ACP3: variants seen among roughly 807,000 people sequenced by gnomAD.
ACP3 encodes prostatic acid phosphatase.
A neutral mutation model predicts 45.6 loss-of-function variants in ACP3; 38 were observed. The ratio of observed to expected loss-of-function variants is 0.83; its 90% CI spans 0.64 to 1.09. The LOEUF (loss-of-function observed/expected upper bound fraction) is 1.09, where lower values mean the gene tolerates loss of function less well. ACP3 is among the 50% of genes least tolerant of loss of function. The pLI, the probability that ACP3 is intolerant of heterozygous loss-of-function variation, is 0.00. For missense variants in ACP3, 466 were observed against 463.2 expected (o/e 1.01, Z -0.05); for synonymous variants, 162 against 164.7 (o/e 0.98, Z 0.13).
At chr3:132,323,456 AT>A (rs995735063) in intron 1 of ACP3, among the ~76,000 whole-genome samples, 5 of 152,226 alleles carry the variant, frequency 3.3e-5, no homozygotes, top group Admixed American at 6.5e-5. Context: ...AAAACAAAAA[AT>A]AAGAAAACAT....
In ACP3 at chr3:132,317,518, T is replaced by C; in HGVS notation, c.62T>C (p.Leu21Pro). Residue 21 changes from leucine to proline, a missense_variant, in exon 1 of 10, where the codon CTG becomes CCG. Coordinates refer to ENST00000336375, the MANE Select transcript of ACP3 (RefSeq NM_001099.5). ...AGCCTTAGCCTTGGCTTCTTGTTTC[T>C]GCTTTTTTTCTGGCTAGACCGAAGT... ...AASLSLGFLF[L>P]LFFWLDRSVL... 1 of 1,613,874 alleles carries C rather than the reference T, an allele frequency of 6.2e-7. No homozygotes were observed. The highest frequency in any genetic ancestry group is 1.6e-4 in the Middle Eastern group (1 of 6,062).
intron 9 of ACP3, among the ~76,000 whole-genome samples, chr3:132,354,577 T>G (rs1937834296): frequency 6.6e-6 from 1 of 152,206 alleles, no homozygotes; most frequent in Non-Finnish European, 1.5e-5. Flanking sequence ...GTTAACGAAT[T>G]CTGTCTAAGC....
chr3:132,317,612 C>G, intron 1 of ACP3, 36 bp downstream of exon 1: 1 of 1,595,762 alleles, frequency 6.3e-7, no homozygotes, highest in East Asian at 2.2e-5. Flanking sequence ...TTCCTTAAAA[C>G]TGTGTTCCCA....
chr3:132,337,264 T>G (rs1559834016), intron 4 of ACP3, 192 bp from the exon 5 acceptor site: 2 of 432,856 alleles, frequency 4.6e-6, no homozygotes, highest in African/African-American at 4.0e-5. Context: ...TGAATACATA[T>G]CCTACTATTT....
intron 8 of ACP3, 129 bp downstream of exon 8, chr3:132,350,131 T>C: frequency 1.6e-6 from 1 of 643,316 alleles, no homozygotes; most frequent in Non-Finnish European, 2.7e-6. Flanking sequence ...GCACAAAGCT[T>C]TTAGAATTAA....
rs536588135 is a variant in ACP3, at chr3:132,348,046, A to G, written c.782-1874A>G. Reference sequence around the variant, plus strand: ...GAAATACAGCCACACTCATTCATTTATGCATTGTCTATTGCTGCTTTCATG... The same window carrying G: ...GAAATACAGCCACACTCATTCATTTGTGCATTGTCTATTGCTGCTTTCATG... On this transcript the variant is annotated intron_variant, in intron 7 of 9. Transcript: ENST00000336375. 5.3e-5 allele frequency among the ~76,000 whole-genome samples: 8 copies of G among 152,282 alleles called. No homozygotes were observed. In the South Asian group the frequency reaches 1.2e-3, roughly 24 times the overall value.
intron 6 of ACP3, among the ~76,000 whole-genome samples, chr3:132,342,900 T>G (rs2107807162): frequency 7.6e-6 from 1 of 131,264 alleles, no homozygotes. Flanking sequence ...AGTTTCCACT[T>G]TAGTTTTTTC....
At chr3:132,319,346 T>G (rs537094886) in intron 1 of ACP3, among the ~76,000 whole-genome samples, 1 of 152,324 alleles carries the variant, frequency 6.6e-6, no homozygotes, top group East Asian at 1.9e-4. Flanking sequence ...ATAACTAAAG[T>G]GGTAATATTA....
At chr3:132,367,790 T>C in exon 11 of ACP3, 1 of 1,613,822 alleles carries the variant, frequency 6.2e-7, no homozygotes, top group South Asian at 1.1e-5. Flanking sequence ...CCGTGGACTC[T>C]GCTGGCAGAG....
downstream of ACP3, among the ~76,000 whole-genome samples, chr3:132,359,367 G>A (rs1396872492): frequency 4.6e-5 from 7 of 152,226 alleles, no homozygotes; most frequent in Non-Finnish European, 7.4e-5. Context: ...AAAAAGCCGG[G>A]CATGGTGGCG....
At chr3:132,338,262 G>A (rs1287921541) in intron 5 of ACP3, among the ~76,000 whole-genome samples, 1 of 149,960 alleles carries the variant, frequency 6.7e-6, no homozygotes, top group African/African-American at 2.4e-5. Flanking sequence ...CATAGGGTTG[G>A]GCACCTTGGT....
intron 9 of ACP3, 33 bp downstream of exon 9, chr3:132,352,856 C>A: frequency 7.0e-7 from 1 of 1,430,172 alleles, no homozygotes; most frequent in Non-Finnish European, 9.9e-7. Flanking sequence ...AAATCAGTAT[C>A]ACTGGACCTT....
intron 1 of ACP3, among the ~76,000 whole-genome samples, chr3:132,322,908 T>A (rs1937231169): frequency 6.6e-6 from 1 of 152,240 alleles, no homozygotes; most frequent in Admixed American, 6.5e-5. Context: ...AGTTATCATG[T>A]CAGTGAGTCT....
intron 1 of ACP3, among the ~76,000 whole-genome samples, chr3:132,320,781 G>T: frequency 6.6e-6 from 1 of 151,772 alleles, no homozygotes; most frequent in Non-Finnish European, 1.5e-5. Flanking sequence ...CTCCCAAGTA[G>T]CTGGGATTAC....
intron 1 of ACP3, 61 bp from the exon 2 acceptor site, chr3:132,328,206 T>G: frequency 7.5e-7 from 1 of 1,340,430 alleles, no homozygotes; most frequent in Non-Finnish European, 1.0e-6. Flanking sequence ...ACTATTATAA[T>G]GAGCAGAAGC....
intron 10 of ACP3, among the ~76,000 whole-genome samples, chr3:132,366,587 A>C (rs1174416697): frequency 6.6e-6 from 1 of 152,144 alleles, no homozygotes; most frequent in East Asian, 1.9e-4. Context: ...GGCTCTGGGA[A>C]GAGCAAATTT....
chr3:132,331,577 C>A, intron 2 of ACP3, 70 bp from the exon 3 acceptor site: 2 of 1,275,064 alleles, frequency 1.6e-6, no homozygotes, highest in African/African-American at 1.5e-5. Flanking sequence ...AAAAAATCAA[C>A]AAATTTTTAT....
At chr3:132,364,132 C>T (rs768987670) in intron 10 of ACP3, among the ~76,000 whole-genome samples, 4 of 151,928 alleles carry the variant, frequency 2.6e-5, no homozygotes, top group Non-Finnish European at 5.9e-5. Context: ...TCGCTTGAGC[C>T]CAAGAGTTTA....
At chr3:132,324,733 C>T (rs1168505536) in intron 1 of ACP3, among the ~76,000 whole-genome samples, 1 of 152,194 alleles carries the variant, frequency 6.6e-6, no homozygotes, top group Non-Finnish European at 1.5e-5. Context: ...ACCTCTGCCT[C>T]CCAGGTTCAA....
Sources: allele counts gnomAD v4.1 joint callset (sites outside exome capture counted in the v4.1 genomes callset), GRCh38; gene constraint gnomAD v4.1.1; transcripts MANE v1.5; gene names NCBI Gene and HGNC (gene_info 2026-07-23, HGNC 2026-07-21).